The following MFSD6 variants were observed in gnomAD, a reference collection of about 807,000 sequenced individuals.
MFSD6 encodes major facilitator superfamily domain containing 6, also known as major facilitator superfamily domain-containing protein 6.
Under a neutral mutation model 56.3 loss-of-function variants are expected in MFSD6, and 26 were observed. The ratio of observed to expected loss-of-function variants is 0.46; its 90% CI spans 0.34 to 0.64. The LOEUF is 0.64. Ranked by LOEUF, MFSD6 falls within the 30% of genes least tolerant of loss-of-function variation. The pLI is 0.01. For synonymous variants in MFSD6, 331 were observed against 366.9 expected, an observed-to-expected ratio of 0.90 and a Z score of 1.12; for missense variants, 750 against 986.2, an observed-to-expected ratio of 0.76 and a Z score of 3.21.
At chr2:190,464,127 C>A (rs943387926) in intron 3 of MFSD6, among the ~76,000 whole-genome samples, 4 of 152,194 alleles carry the variant, frequency 2.6e-5, no homozygotes, top group African/African-American at 9.7e-5. Flanking sequence ...CTCGAGCAAC[C>A]TTGTATGCAT....
rs1053754787 is a variant in MFSD6, at chr2:190,413,891, A to T, written c.-175-1401A>T. Among the ~76,000 whole-genome samples the T allele has an allele frequency of 2.0e-5, 3 of 152,138 alleles. No individual in the cohort carries two copies. The highest frequency in any genetic ancestry group is 4.4e-5 in the Non-Finnish European group (3 of 68,026). Reference sequence around the variant, plus strand: ...GATTCCAGGAGAAACTGAGCACTGGAGCAGTGGCAGGAGTGGGTCCCTGTG... The same window carrying T: ...GATTCCAGGAGAAACTGAGCACTGGTGCAGTGGCAGGAGTGGGTCCCTGTG... On this transcript the variant is annotated intron_variant, in intron 1 of 7. Transcript: ENST00000392328. The surrounding 1 kb of genome is among the most constrained non-coding windows in gnomAD (Gnocchi z 4.1).
rs910695496 is a variant in MFSD6 at position 190,456,762 on chromosome 2, C to T, written c.1533-12996C>T. Among the ~76,000 whole-genome samples, 1 of 152,232 alleles carries T rather than the reference C, an allele frequency of 6.6e-6. No homozygotes were observed. The highest frequency in any genetic ancestry group is 2.4e-5 in the African/African-American group (1 of 41,462). On this transcript the variant is annotated intron_variant, in intron 3 of 7. Transcript: ENST00000392328. The surrounding 1 kb of genome is among the most constrained non-coding windows in gnomAD (Gnocchi z 5.4). Reference sequence around the variant, plus strand: ...AAGAGGTGGAAACCTTGGCTCACCCCTCGTCCTGCCTCAGCATCGATACCT... The same window carrying T: ...AAGAGGTGGAAACCTTGGCTCACCCTTCGTCCTGCCTCAGCATCGATACCT...
At chr2:190,428,458 A>G (rs1183375734) in intron 2 of MFSD6, among the ~76,000 whole-genome samples, 2 of 152,188 alleles carry the variant, frequency 1.3e-5, no homozygotes, top group African/African-American at 4.8e-5. Flanking sequence ...CCTCATCAAC[A>G]TTTGATATTA....
At position 190,463,821 on chromosome 2, in the gene MFSD6, AAAAT is replaced by A. The variant is rs900987144; in HGVS notation, c.1533-5921_1533-5918del. 5.7e-5 allele frequency: 53 copies of A among 936,486 alleles called. No homozygotes were observed. Among genetic ancestry groups the A allele is most frequent in the Non-Finnish European group, 6.4e-5 (50 of 785,452 alleles). The allele number at this position is 936,486 out of a possible 1,614,324, so 58.0% of individuals were successfully genotyped here. ...GGTAACAGAGCAAGACCCTGTCTCA[AAAAT>A]AAATAAATAAATAAAATAAAAATAA... is the stretch of plus-strand genomic sequence containing the variant. On this transcript the variant is annotated intron_variant, in intron 3 of 7. Coordinates refer to ENST00000392328, the MANE Select transcript of MFSD6 (RefSeq NM_017694.4). This position sits in a 1 kb window ranked among gnomAD's most constrained non-coding sequence, Gnocchi z 4.4.
rs1365409494 is a variant in MFSD6 at position 190,487,702 on chromosome 2, C to T, written c.1631-955C>T. On this transcript the variant is annotated intron_variant, in intron 4 of 7. Coordinates refer to ENST00000392328, the MANE Select transcript of MFSD6 (RefSeq NM_017694.4). The surrounding 1 kb of genome is among the most constrained non-coding windows in gnomAD (Gnocchi z 5.5). ...AGCAAATCAACAACATGAGAAACTG[C>T]TTCACATTCATTATGATTGCTATTT... Among the ~76,000 whole-genome samples the T allele has an allele frequency of 6.6e-6, 1 of 152,154 alleles. No individual in the cohort carries two copies.
Position 190,437,562 on chromosome 2 carries a change from G to GT in MFSD6, c.1532+2dup, listed in dbSNP as rs1272088976. 6.2e-7 allele frequency: 1 copy of GT among 1,610,128 alleles called. No individual in the cohort carries two copies. Among genetic ancestry groups the GT allele is most frequent in the East Asian group, 2.2e-5 (1 of 44,796 alleles). ...TTATTGAATTGATCGGCCACATCAG[G>GT]TAAGAACATGCTTACGATTGCTGCC... On this transcript the variant is annotated splice_donor_variant, in intron 3 of 7. Transcript: ENST00000392328. LOFTEE classifies it high-confidence loss of function. The surrounding 1 kb of genome is among the most constrained non-coding windows in gnomAD (Gnocchi z 5.9).
chr2:190,436,218 G>C lies in MFSD6; in HGVS notation c.189G>C (p.Lys63Asn). ...ACTGGATAGAGAAACATTGTGTTAA[G>C]ATAAACAACGATCTTCTAATTTCCA... ...EIDWIEKHCVKINNDLLISKV... is the reference protein window; with the variant it reads ...EIDWIEKHCVNINNDLLISKV... Residue 63 changes from lysine (K) to asparagine (N), a missense_variant, in exon 3 of 8, where the codon AAG (lysine) becomes AAC (asparagine). Physicochemically the swap from Lys to Asn is moderately conservative, Grantham distance 94. Around this residue, in one of 5 missense-constraint regions of MFSD6, gnomAD observed 76 missense variants for 101.9 expected, o/e 0.75. Coordinates refer to ENST00000392328, the MANE Select transcript of MFSD6 (RefSeq NM_017694.4). This position sits in a 1 kb window ranked among gnomAD's most constrained non-coding sequence, Gnocchi z 5.3. The C allele has an allele frequency of 6.2e-7, 1 of 1,614,100 alleles. No individual in the cohort carries two copies. Among genetic ancestry groups the C allele is most frequent in the Middle Eastern group, 1.6e-4 (1 of 6,062 alleles).
intron 4 of MFSD6, among the ~76,000 whole-genome samples, chr2:190,486,613 T>C (rs1013332891): frequency 4.9e-4 from 74 of 152,352 alleles, no homozygotes; most frequent in African/African-American, 1.6e-3. Context: ...CACTGTCTCA[T>C]ATGTTTTGTC....
chr2:190,427,084 T>C (rs1403520651), intron 2 of MFSD6, among the ~76,000 whole-genome samples: 1 of 152,242 alleles, frequency 6.6e-6, no homozygotes, highest in Non-Finnish European at 1.5e-5. Context: ...TCCTTACTGC[T>C]GGCCAGTGGT....
At chr2:190,440,859 C>A (rs1686347940) in intron 3 of MFSD6, among the ~76,000 whole-genome samples, 1 of 152,102 alleles carries the variant, frequency 6.6e-6, no homozygotes, top group Admixed American at 6.5e-5. Flanking sequence ...GAAGAAAATA[C>A]CTGATGCAGC....
chr2:190,475,321 G>A (rs1300256424), intron 4 of MFSD6, among the ~76,000 whole-genome samples: 8 of 152,150 alleles, frequency 5.3e-5, no homozygotes, highest in South Asian at 2.1e-4. Flanking sequence ...AAACCCCATC[G>A]TCTCAGCCCA....
Position 190,437,237 on chromosome 2 carries a change from G to C in MFSD6, c.1208G>C (p.Gly403Ala). ...YNHFKNDDSK[G>A]KEVEIPQVER... is the part of the protein sequence containing the mutation. Reference sequence around the variant, plus strand: ...CATTTCAAAAACGATGATTCTAAAGGGAAAGAGGTGGAGATCCCGCAGGTG... The same window carrying C: ...CATTTCAAAAACGATGATTCTAAAGCGAAAGAGGTGGAGATCCCGCAGGTG... Residue 403 changes from glycine (G) to alanine (A), a missense_variant, in exon 3 of 8, where the codon GGG (glycine) becomes GCG (alanine). This residue lies in a region of MFSD6 where 376 missense variants were observed against 437.9 expected (regional missense o/e 0.86). Transcript: ENST00000392328. The surrounding 1 kb of genome is among the most constrained non-coding windows in gnomAD (Gnocchi z 5.9). 1.2e-6 allele frequency: 2 copies of C among 1,614,236 alleles called. No individual in the cohort carries two copies. Among genetic ancestry groups the C allele is most frequent in the Non-Finnish European group, 1.7e-6 (2 of 1,180,044 alleles).
At position 190,443,434 on chromosome 2, in the gene MFSD6, G is replaced by C. The variant is rs374270964; in HGVS notation, c.1532+5873G>C. 2.0e-5 allele frequency among the ~76,000 whole-genome samples: 3 copies of C among 152,144 alleles called. No individual in the cohort carries two copies. Among genetic ancestry groups the C allele is most frequent in the African/African-American group, 7.2e-5 (3 of 41,414 alleles). On this transcript the variant is annotated intron_variant, in intron 3 of 7. Transcript: ENST00000392328. This position sits in a 1 kb window ranked among gnomAD's most constrained non-coding sequence, Gnocchi z 4.2. ...CAACAATGACCAGCATAGATTAGGA[G>C]TTCAGCTTATTTTACTTTTTTTCTG...
chr2:190,433,860 G>A lies in MFSD6; in HGVS notation c.-53-2117G>A, dbSNP rs1480449362. Among the ~76,000 whole-genome samples, 6 of 152,100 alleles carry A rather than the reference G, an allele frequency of 3.9e-5. No individual in the cohort carries two copies. The highest frequency in any genetic ancestry group is 7.4e-5 in the Non-Finnish European group (5 of 67,994). The stretch of plus-strand genomic sequence containing the variant: ...AACAAAGAGCAAGATCTATTCCAAG[G>A]GGTAGCAAGTGAAACTGATATTTTT... On this transcript the variant is annotated intron_variant, in intron 2 of 7. Coordinates refer to ENST00000392328, the MANE Select transcript of MFSD6 (RefSeq NM_017694.4). This position sits in a 1 kb window ranked among gnomAD's most constrained non-coding sequence, Gnocchi z 4.5.
At chr2:190,409,946 G>A (rs971791551) in intron 1 of MFSD6, among the ~76,000 whole-genome samples, 1 of 152,166 alleles carries the variant, frequency 6.6e-6, no homozygotes, top group Admixed American at 6.5e-5. Context: ...AGTGCAGGAT[G>A]CTCTGGGGAA....
chr2:190,414,996 G>C (rs761942340), intron 1 of MFSD6, among the ~76,000 whole-genome samples: 22 of 152,032 alleles, frequency 1.4e-4, no homozygotes, highest in Non-Finnish European at 2.5e-4. Context: ...CCATGATATG[G>C]ATATAAGATT....
At position 190,417,760 on chromosome 2, in the gene MFSD6, CA is replaced by C. The variant is rs1403655379; in HGVS notation, c.-54+2348del. 6.6e-6 allele frequency among the ~76,000 whole-genome samples: 1 copy of C among 152,052 alleles called. No homozygotes were observed. The highest frequency in any genetic ancestry group is 2.4e-5 in the African/African-American group (1 of 41,388). On this transcript the variant is annotated intron_variant, in intron 2 of 7. Coordinates refer to ENST00000392328, the MANE Select transcript of MFSD6 (RefSeq NM_017694.4). The surrounding 1 kb of genome is among the most constrained non-coding windows in gnomAD (Gnocchi z 5.7). ...TCTACCCTGGAATAGTTTTCCCACT[CA>C]TCTTTGCCTGTGAATCCTGCCCATC...
Position 190,437,031 on chromosome 2 carries a change from C to T in MFSD6, c.1002C>T (p.Gly334=), listed in dbSNP as rs1245076232. 1.2e-6 allele frequency: 2 copies of T among 1,614,216 alleles called. No homozygotes were observed. Among genetic ancestry groups the T allele is most frequent in the East Asian group, 4.5e-5 (2 of 44,882 alleles). ...TGCAGCGCATGTGGGGCTCCCTGGG[C>T]TGGGGCCTGGCGATGCTGTCTGTGG... ...YGLQRMWGSL[G]WGLAMLSVGI... The change falls in exon 3 of 8, where the codon GGC becomes GGT. Residue 334 remains glycine, a synonymous_variant. Transcript: ENST00000392328. This position sits in a 1 kb window ranked among gnomAD's most constrained non-coding sequence, Gnocchi z 5.9.
rs993702230 is a variant in MFSD6, at chr2:190,469,009, C to T, written c.1533-749C>T. Among the ~76,000 whole-genome samples, 4 of 152,056 alleles carry T rather than the reference C, an allele frequency of 2.6e-5. No homozygotes were observed. The highest frequency in any genetic ancestry group is 9.7e-5 in the African/African-American group (4 of 41,388). On this transcript the variant is annotated intron_variant, in intron 3 of 7. Transcript: ENST00000392328. The surrounding 1 kb of genome is among the most constrained non-coding windows in gnomAD (Gnocchi z 5.3). ...CCAGTTCAGAACGAGAGACTGAAACCTTATGCTTGGGTGCACCACTTCAGG... is the reference window on the plus strand; with the variant it reads ...CCAGTTCAGAACGAGAGACTGAAACTTTATGCTTGGGTGCACCACTTCAGG...
Sources: gnomAD v4.1 joint callset for allele counts (sites outside exome capture counted in the v4.1 genomes callset) on GRCh38, gnomAD v4.1.1 for gene constraint, gnomAD v4.1.1 regional missense constraint, Gnocchi (gnomAD v3.1) non-coding constraint, MANE v1.5 for transcripts, NCBI Gene and HGNC (gene_info 2026-07-23, HGNC 2026-07-21) for gene names.